The following C8orf89 variants were observed in gnomAD, a reference collection of about 807,000 sequenced individuals.
C8orf89 encodes putative uncharacterized protein C8orf89.
A neutral mutation model predicts 15.8 loss-of-function variants in C8orf89; 14 were observed. The ratio of observed to expected loss-of-function variants is 0.89; its 90% CI spans 0.59 to 1.39. C8orf89 has a LOEUF of 1.39. Ranked by LOEUF, C8orf89 falls within the 40% of genes most tolerant of loss-of-function variation. The pLI, the probability that C8orf89 is intolerant of heterozygous loss-of-function variation, is 0.00. For synonymous variants in C8orf89, 55 were observed against 62.2 expected, an observed-to-expected ratio of 0.88 and a Z score of 0.54; for missense variants, 181 against 184.5, an observed-to-expected ratio of 0.98 and a Z score of 0.11.
At chr8:73,270,309 A>G in the C8orf89 span, among the ~76,000 whole-genome samples, 323 of 152,344 alleles carry the variant, frequency 2.1e-3, 2 homozygotes, top group African/African-American at 7.1e-3. Context: ...CCAGTTTTTC[A>G]AAGTCAGGTC....
chr8:73,256,938 A>C, intron 2 of C8orf89, 35 bp downstream of exon 2: 1 of 1,493,436 alleles, frequency 6.7e-7, no homozygotes, highest in South Asian at 1.3e-5. Context: ...ACAAATACAC[A>C]TTCAACAAAT....
At chr8:73,243,395 G>A (rs902400398) in intron 3 of C8orf89, among the ~76,000 whole-genome samples, 2 of 152,056 alleles carry the variant, frequency 1.3e-5, no homozygotes, top group East Asian at 1.9e-4. Flanking sequence ...CACGTTGTAC[G>A]CCTGTATCAA....
intron 1 of C8orf89, among the ~76,000 whole-genome samples, chr8:73,257,657 T>C (rs941325171): frequency 6.6e-6 from 1 of 152,184 alleles, no homozygotes; most frequent in Non-Finnish European, 1.5e-5. Flanking sequence ...ATCAAGATTG[T>C]TTCTTCTACT....
chr8:73,242,096 G>A (rs1387128751), intron 3 of C8orf89, among the ~76,000 whole-genome samples: 1 of 152,074 alleles, frequency 6.6e-6, no homozygotes, highest in Non-Finnish European at 1.5e-5. Context: ...GATTTCCTGA[G>A]TAATACCCCA....
intron 3 of C8orf89, among the ~76,000 whole-genome samples, chr8:73,249,880 A>G (rs1319260428): frequency 1.3e-5 from 2 of 152,208 alleles, no homozygotes; most frequent in African/African-American, 4.8e-5. Flanking sequence ...TTCAACATCA[A>G]GCTAAAGAGT....
the C8orf89 span, among the ~76,000 whole-genome samples, chr8:73,276,805 A>AATTT: frequency 1.1e-5 from 1 of 87,640 alleles, no homozygotes; most frequent in African/African-American, 4.2e-5. Context: ...CACAGCAGTC[A>AATTT]TTTTTTTTTT....
Position 73,253,428 on chromosome 8 carries a change from TG to T in C8orf89, c.282-3106del, listed in dbSNP as rs773077122. ...TGACTTGGCGATGCGGGCTCTTTTTTGGTTCCATATGAACTTTAAAGTAGTT... is the reference window on the plus strand; with the variant it reads ...TGACTTGGCGATGCGGGCTCTTTTTTGTTCCATATGAACTTTAAAGTAGTT... On this transcript the variant is annotated intron_variant, in intron 2 of 3. Coordinates refer to ENST00000624510, the MANE Select transcript of C8orf89 (RefSeq NM_001243237.3). 1.9e-3 allele frequency among the ~76,000 whole-genome samples: 287 copies of T among 152,286 alleles called. 3 individuals carry two copies. Among genetic ancestry groups the T allele is most frequent in the African/African-American group, 6.4e-3 (266 of 41,544 alleles).
rs140196339 is a variant in C8orf89, at chr8:73,248,811, A to T, written c.337+1457T>A. Among the ~76,000 whole-genome samples the T allele has an allele frequency of 2.7e-3, 410 of 152,254 alleles. 3 individuals carry two copies. Among genetic ancestry groups the T allele is most frequent in the African/African-American group, 9.1e-3 (377 of 41,534 alleles). On this transcript the variant is annotated intron_variant, in intron 3 of 3. Transcript: ENST00000624510. ...ATTTTGTATCTTGAAATTTTGCTGA[A>T]GTTGTTTATCAGCTTAAGGAGCTTT...
chr8:73,267,096 C>T, the C8orf89 span, among the ~76,000 whole-genome samples: 4 of 152,106 alleles, frequency 2.6e-5, no homozygotes, highest in Middle Eastern at 3.2e-3. Flanking sequence ...TGTAAATATA[C>T]GGTAATCCCC....
At chr8:73,244,078 A>G (rs893702390) in intron 3 of C8orf89, among the ~76,000 whole-genome samples, 2 of 152,190 alleles carry the variant, frequency 1.3e-5, no homozygotes, top group Admixed American at 1.3e-4. Flanking sequence ...CATATTTTAC[A>G]TGCCTATCAA....
the C8orf89 span, chr8:73,278,086 G>A: frequency 1.3e-5 from 5 of 390,992 alleles, no homozygotes; most frequent in African/African-American, 8.3e-5. Flanking sequence ...GCTCCTTGGG[G>A]TGTGTGTCTG....
chr8:73,281,582 G>A, the C8orf89 span, among the ~76,000 whole-genome samples: 2 of 152,194 alleles, frequency 1.3e-5, no homozygotes, highest in Admixed American at 1.3e-4. Context: ...AAATTCTATG[G>A]CACAACAGAA....
the C8orf89 span, among the ~76,000 whole-genome samples, chr8:73,272,675 A>G: frequency 3.1e-3 from 471 of 151,994 alleles, no homozygotes; most frequent in Non-Finnish European, 5.4e-3. Context: ...TCATTGTTCA[A>G]TTCCCACCTA....
Position 73,250,282 on chromosome 8 carries a change from C to T in C8orf89, c.323G>A (p.Trp108Ter), listed in dbSNP as rs1431483175. The T allele has an allele frequency of 1.3e-6, 2 of 1,533,392 alleles. No homozygotes were observed. Among genetic ancestry groups the T allele is most frequent in the East Asian group, 2.4e-5 (1 of 40,848 alleles). 95.0% of individuals were successfully genotyped at this position (1,533,392 alleles called of 1,614,324 possible). A position where few individuals can be genotyped will look rare whatever the true frequency, so the allele number is the denominator to read the frequency against. ...TKETCSVAPL[W>*]EKSKGSGFSD... Reference sequence around the variant, plus strand: ...AGTCAGCTTACCTTTTGATTTCTCCCAAAGTGGTGCCACACTGCATGTCTC... The same window carrying T: ...AGTCAGCTTACCTTTTGATTTCTCCTAAAGTGGTGCCACACTGCATGTCTC... The change falls in exon 3 of 4, where the codon TGG (tryptophan) becomes TAG (stop). Residue 108 changes from tryptophan (W) to a stop codon, truncating the protein, a stop_gained. Coordinates refer to ENST00000624510, the MANE Select transcript of C8orf89 (RefSeq NM_001243237.3). LOFTEE classifies it high-confidence loss of function.
At chr8:73,247,456 C>G (rs1813152379) in intron 3 of C8orf89, among the ~76,000 whole-genome samples, 1 of 152,110 alleles carries the variant, frequency 6.6e-6, no homozygotes, top group South Asian at 2.1e-4. Context: ...GGGTACATAC[C>G]CAGTAATGGG....
At chr8:73,276,379 T>A in the C8orf89 span, among the ~76,000 whole-genome samples, 4 of 152,060 alleles carry the variant, frequency 2.6e-5, no homozygotes, top group Non-Finnish European at 5.9e-5. Flanking sequence ...GGTTTCATCA[T>A]GTTGGCCAGC....
the C8orf89 span, among the ~76,000 whole-genome samples, chr8:73,270,935 C>G: frequency 6.6e-6 from 1 of 152,102 alleles, no homozygotes; most frequent in African/African-American, 2.4e-5. Context: ...TAAGCTTTCC[C>G]TAAATAAAGT....
chr8:73,275,003 A>C, the C8orf89 span, among the ~76,000 whole-genome samples: 1 of 152,216 alleles, frequency 6.6e-6, no homozygotes, highest in East Asian at 1.9e-4. Context: ...ACAATATGAC[A>C]GTTAATATCT....
intron 1 of C8orf89, among the ~76,000 whole-genome samples, chr8:73,258,726 C>T (rs1813462217): frequency 6.6e-6 from 1 of 150,952 alleles, no homozygotes; most frequent in Admixed American, 6.6e-5. Context: ...CCTCTCCAGG[C>T]TCAGGTGATC....
Sources: gnomAD v4.1 joint callset for allele counts (sites outside exome capture counted in the v4.1 genomes callset) on GRCh38, gnomAD v4.1.1 for gene constraint, MANE v1.5 for transcripts, NCBI Gene and HGNC (gene_info 2026-07-23, HGNC 2026-07-21) for gene names.